SYNPO2: variants seen among roughly 807,000 people sequenced by gnomAD.
SYNPO2 encodes the protein synaptopodin 2, also known as synaptopodin-2.
In SYNPO2, 56 loss-of-function variants were observed where a neutral mutation model predicts 85.0. The ratio of observed to expected loss-of-function variants is 0.66; its 90% confidence interval spans 0.53 to 0.82. The LOEUF (loss-of-function observed/expected upper bound fraction) is 0.82, where lower values mean the gene tolerates loss of function less well. Among genes scored for constraint, SYNPO2 ranks in the 40% least tolerant of loss-of-function variants. SYNPO2 has a pLI of 0.00. For missense variants in SYNPO2, 1,575 were observed against 1,534.2 expected, an observed-to-expected ratio of 1.03 and a Z score of -0.44; for synonymous variants, 602 against 591.1, an observed-to-expected ratio of 1.02 and a Z score of -0.27.
chr4:118,868,048 TA>T (rs34145856), intron 1 of SYNPO2, among the ~76,000 whole-genome samples: 231 of 146,220 alleles, frequency 1.6e-3, no homozygotes, highest in African/African-American at 4.8e-3. Flanking sequence ...TCCTTTCATT[TA>T]AAAAAAAAAA....
Position 119,027,000 on chromosome 4 carries a change from G to C in SYNPO2, c.631G>C (p.Ala211Pro), listed in dbSNP as rs1183289818. Reference sequence around the variant, plus strand: ...CCTTTCACAGGAGAGACATAAGGGCGCTAGTGGCCCTTTAGTGGCTCTCCC... The same window carrying C: ...CCTTTCACAGGAGAGACATAAGGGCCCTAGTGGCCCTTTAGTGGCTCTCCC... ...LSLSQERHKG[A>P]SGPLVALPGA... Residue 211 changes from alanine to proline, a missense_variant, in exon 3 of 5, where the codon GCT becomes CCT. Around this residue, in one of 3 missense-constraint regions of SYNPO2, gnomAD observed 1,508 missense variants for 1,446.8 expected, o/e 1.04. Coordinates refer to ENST00000307142, the MANE Select transcript of SYNPO2 (RefSeq NM_133477.3). 6.2e-7 allele frequency: 1 copy of C among 1,614,106 alleles called. No homozygotes were observed. The highest frequency in any genetic ancestry group is 8.5e-7 in the Non-Finnish European group (1 of 1,180,022).
intron 1 of SYNPO2, among the ~76,000 whole-genome samples, chr4:118,941,877 G>T (rs187560025): frequency 6.6e-5 from 10 of 152,322 alleles, no homozygotes; most frequent in Admixed American, 2.6e-4. Flanking sequence ...TGTGTTTTCC[G>T]TAGGAAAGGC....
At chr4:118,936,399 CTCCAGTGA>C (rs1001731413) in intron 1 of SYNPO2, among the ~76,000 whole-genome samples, 2 of 152,148 alleles carry the variant, frequency 1.3e-5, no homozygotes, top group Admixed American at 6.5e-5. Flanking sequence ...AACTCCTGGG[CTCCAGTGA>C]TCCTCTTGCC....
chr4:118,933,113 T>A (rs1263214083), intron 1 of SYNPO2, among the ~76,000 whole-genome samples: 1 of 152,230 alleles, frequency 6.6e-6, no homozygotes, highest in African/African-American at 2.4e-5. Flanking sequence ...GGGGTTTTCT[T>A]AAATTATTTG....
intron 1 of SYNPO2, among the ~76,000 whole-genome samples, chr4:119,013,500 CA>C (rs1209048972): frequency 6.6e-6 from 1 of 152,104 alleles, no homozygotes; most frequent in Non-Finnish European, 1.5e-5. Flanking sequence ...GAATGACAGA[CA>C]AAATATGGTT....
chr4:118,862,732 T>C (rs2110566551), intron 1 of SYNPO2, among the ~76,000 whole-genome samples: 1 of 152,306 alleles, frequency 6.6e-6, no homozygotes, highest in Non-Finnish European at 1.5e-5. Context: ...AGTTTGCTAG[T>C]ATTTTGTTGG....
chr4:119,015,737 T>C (rs1254927996), intron 1 of SYNPO2, among the ~76,000 whole-genome samples: 1 of 152,234 alleles, frequency 6.6e-6, no homozygotes, highest in Non-Finnish European at 1.5e-5. Context: ...ATTTTAAATG[T>C]CTTGGGATCA....
In SYNPO2 at chr4:119,032,951, CTTAA is replaced by C. The variant is rs1738346241; in HGVS notation, c.3252+925_3252+928del. 3 of 295,820 alleles carry C rather than the reference CTTAA, an allele frequency of 1.0e-5. No homozygotes were observed. The Admixed American group carries it at 3.0e-4, about 30-fold the overall frequency. The allele number at this position is 295,820 out of a possible 1,614,324, so 18.3% of individuals were successfully genotyped here. A position where few individuals can be genotyped will look rare whatever the true frequency, so the allele number is the denominator to read the frequency against. On this transcript the variant is annotated intron_variant, in intron 4 of 4. Coordinates refer to ENST00000307142, the MANE Select transcript of SYNPO2 (RefSeq NM_133477.3). ...GATTCCCACCCTCCCTCCCCAGTTACTTAAGGAACTAAGTGAGTACATCTCCAGT... is the reference window on the plus strand; with the variant it reads ...GATTCCCACCCTCCCTCCCCAGTTACGGAACTAAGTGAGTACATCTCCAGT...
chr4:119,035,486 T>C (rs566595549), intron 4 of SYNPO2: 30 of 985,440 alleles, frequency 3.0e-5, no homozygotes, highest in African/African-American at 3.5e-5. Context: ...GTGTAAAGCA[T>C]ACCTTGTTAG....
intron 1 of SYNPO2, among the ~76,000 whole-genome samples, chr4:118,909,937 T>A (rs139086872): frequency 1.0e-3 from 153 of 152,334 alleles, no homozygotes; most frequent in Admixed American, 8.2e-3. Context: ...TACTGATCAT[T>A]CACAATGCGT....
chr4:118,867,066 T>TAAAGA (rs1451647521), intron 1 of SYNPO2, among the ~76,000 whole-genome samples: 1 of 152,198 alleles, frequency 6.6e-6, no homozygotes, highest in Non-Finnish European at 1.5e-5. Context: ...CTTTTTGAAA[T>TAAAGA]AACGTTTTAT....
Position 119,031,224 on chromosome 4 carries a change from C to T in SYNPO2, c.2449C>T (p.Arg817Trp), listed in dbSNP as rs751491761. The change falls in exon 4 of 5, where the codon CGG becomes TGG. Residue 817 changes from arginine to tryptophan, a missense_variant. Arg to Trp is a moderately radical substitution (Grantham distance 101). Coordinates refer to ENST00000307142, the MANE Select transcript of SYNPO2 (RefSeq NM_133477.3). Reference protein sequence around the residue: ...KIAQPSYPPARPASTLNVAGP... With the variant: ...KIAQPSYPPAWPASTLNVAGP... ...AGCCCAGCCTTCTTACCCTCCTGCCCGGCCTGCAAGTACTTTGAACGTGGC... is the reference window on the plus strand; with the variant it reads ...AGCCCAGCCTTCTTACCCTCCTGCCTGGCCTGCAAGTACTTTGAACGTGGC... 15 of 1,614,024 alleles carry T rather than the reference C, an allele frequency of 9.3e-6. No homozygotes were observed. Among genetic ancestry groups the T allele is most frequent in the African/African-American group, 2.7e-5 (2 of 74,900 alleles).
chr4:119,023,178 T>A (rs1304829641), intron 1 of SYNPO2, among the ~76,000 whole-genome samples: 1 of 152,214 alleles, frequency 6.6e-6, no homozygotes, highest in Non-Finnish European at 1.5e-5. Flanking sequence ...TTACATTGAT[T>A]TATTTACTTT....
At chr4:118,921,749 C>T (rs1033716914) in intron 1 of SYNPO2, among the ~76,000 whole-genome samples, 2 of 151,634 alleles carry the variant, frequency 1.3e-5, no homozygotes, top group South Asian at 2.1e-4. Context: ...ATTCCTACAA[C>T]ATCAAATTGC....
At chr4:119,005,959 A>G (rs1737017848) in intron 1 of SYNPO2, 1 of 152,306 alleles carries the variant, frequency 6.6e-6, no homozygotes, top group Non-Finnish European at 1.5e-5. Flanking sequence ...ATGGTTTCCT[A>G]TTGAACCACT....
At chr4:119,028,828 TCA>T (rs1270987393) in intron 3 of SYNPO2, among the ~76,000 whole-genome samples, 3 of 152,004 alleles carry the variant, frequency 2.0e-5, no homozygotes, top group African/African-American at 2.4e-5. Flanking sequence ...TTTAGGGGAC[TCA>T]CAGTCATTAT....
At chr4:118,976,864 C>G (rs572060988) in intron 1 of SYNPO2, among the ~76,000 whole-genome samples, 10 of 151,768 alleles carry the variant, frequency 6.6e-5, no homozygotes, top group East Asian at 1.9e-4. Context: ...TACAGAGTGT[C>G]GATTGGTGCA....
chr4:118,957,061 A>T (rs897123773), intron 1 of SYNPO2, among the ~76,000 whole-genome samples: 2 of 152,062 alleles, frequency 1.3e-5, no homozygotes, highest in Non-Finnish European at 2.9e-5. Flanking sequence ...AATAAAAAAA[A>T]TAAAAAAAAT....
At chr4:118,928,266 T>C (rs1286729142) in intron 1 of SYNPO2, among the ~76,000 whole-genome samples, 1 of 152,100 alleles carries the variant, frequency 6.6e-6, no homozygotes. Context: ...CATGTAGGGG[T>C]TTATTAGCTA....
Sources: allele counts gnomAD v4.1 joint callset (sites outside exome capture counted in the v4.1 genomes callset), GRCh38; gene constraint gnomAD v4.1.1; regional missense constraint gnomAD v4.1.1; transcripts MANE v1.5; gene names NCBI Gene and HGNC (gene_info 2026-07-23, HGNC 2026-07-21).